C19orf53: variants seen among roughly 807,000 people sequenced by gnomAD.
C19orf53 encodes the protein chromosome 19 open reading frame 53, also known as leydig cell tumor 10 kDa protein homolog.
Under a neutral mutation model 6.5 loss-of-function variants are expected in C19orf53, and 9 were observed. The observed-to-expected ratio is 1.38, with a 90% CI of 0.83 to 2.40. The LOEUF (loss-of-function observed/expected upper bound fraction) is 2.40, where lower values mean the gene tolerates loss of function less well. Ranked by LOEUF, C19orf53 falls within the 30% of genes most tolerant of loss-of-function variation. The pLI is 0.00. For synonymous variants in C19orf53, 68 were observed against 52.5 expected (o/e 1.29, Z -1.27); for missense variants, 166 against 129.7 (o/e 1.28, Z -1.36).
chr19:13,778,344 G>T lies in C19orf53; in HGVS notation c.*146G>T. On this transcript the variant is annotated 3_prime_UTR_variant, in exon 3 of 3. Transcript: ENST00000588234. ...TAGAACTTCAGTGGGGGCCAAGGGT[G>T]CTGAGAACCCAGCAATGACCAGGAA... 2 of 1,001,282 alleles carry T rather than the reference G, an allele frequency of 2.0e-6. No homozygotes were observed. Among genetic ancestry groups the T allele is most frequent in the Non-Finnish European group, 2.8e-6 (2 of 725,256 alleles). The allele number at this position is 1,001,282 out of a possible 1,614,324, so 62.0% of individuals were successfully genotyped here.
rs10104 is a variant in C19orf53, at chr19:13,774,670, A to G, written c.116A>G (p.Lys39Arg). 446,765 of 1,609,266 alleles carry G rather than the reference A, an allele frequency of 0.28. 65,685 individuals are homozygous for G. The highest frequency in any genetic ancestry group is 0.45 in the South Asian group (40,781 of 90,986). The change falls in exon 2 of 3, where the codon AAG (lysine) becomes AGG (arginine). Residue 39 changes from lysine (K) to arginine (R), a missense_variant. Transcript: ENST00000588234. ...TCCCCAGGTCGTGTTATCGCTCCCAAGAAGGCGCGCGTCGTGCAGCAGCAA... is the reference window on the plus strand; with the variant it reads ...TCCCCAGGTCGTGTTATCGCTCCCAGGAAGGCGCGCGTCGTGCAGCAGCAA... ...PRKGGRVIAPKKARVVQQQKL... is the reference protein window; with the variant it reads ...PRKGGRVIAPRKARVVQQQKL...
rs771454499 is a variant in C19orf53, at chr19:13,774,627, C to G, written c.98-25C>G. Reference sequence around the variant, plus strand: ...CGAGGTGGACCCCCGGCTTCCCGGCCTCACGTGAGCACATCTTTCCCCAGG... The same window carrying G: ...CGAGGTGGACCCCCGGCTTCCCGGCGTCACGTGAGCACATCTTTCCCCAGG... On this transcript the variant is annotated intron_variant, in intron 1 of 2. Coordinates refer to ENST00000588234, the MANE Select transcript of C19orf53 (RefSeq NM_014047.3). The G allele has an allele frequency of 3.1e-6, 5 of 1,613,046 alleles. No homozygotes were observed. The African/African-American group carries it at 6.7e-5, about 22-fold the overall frequency.
At position 13,778,257 on chromosome 19, in the gene C19orf53, A is replaced by C; in HGVS notation, c.*59A>C. On this transcript the variant is annotated 3_prime_UTR_variant, in exon 3 of 3. Coordinates refer to ENST00000588234, the MANE Select transcript of C19orf53 (RefSeq NM_014047.3). The stretch of plus-strand genomic sequence containing the variant: ...CCCCTACCTCCATATGGGACCTTGC[A>C]AGTCATCCCACAGGCTGCACTGTCA... 8 of 1,491,894 alleles carry C rather than the reference A, an allele frequency of 5.4e-6. No individual in the cohort carries two copies. Among genetic ancestry groups the C allele is most frequent in the Non-Finnish European group, 7.2e-6 (8 of 1,117,052 alleles). 92.4% of individuals were successfully genotyped at this position (1,491,894 alleles called of 1,614,324 possible).
Position 13,775,841 on chromosome 19 carries a change from AAT to A in C19orf53, c.153+1135_153+1136del, listed in dbSNP as rs1362579381. Among the ~76,000 whole-genome samples the A allele has an allele frequency of 4.6e-5, 7 of 152,056 alleles. 1 individual carries two copies. The highest frequency in any genetic ancestry group is 4.6e-4 in the Admixed American group (7 of 15,248). On this transcript the variant is annotated intron_variant, in intron 2 of 2. Transcript: ENST00000588234. ...CTTGCACTCAGCATGTCCAAAACCA[AAT>A]TCCTGATCCTCCCTTCCCATTCTGC...
In C19orf53 at chr19:13,778,033, C is replaced by T. The variant is rs1458305706; in HGVS notation, c.154-19C>T. ...TCAGCCCCAGGTCACAATCTGACTG[C>T]CCCGTGCTTCTCCCTCAGAACCTAG... On this transcript the variant is annotated intron_variant, in intron 2 of 2. Transcript: ENST00000588234. The T allele has an allele frequency of 6.3e-7, 1 of 1,599,514 alleles. No homozygotes were observed. The highest frequency in any genetic ancestry group is 8.5e-7 in the Non-Finnish European group (1 of 1,171,810).
At chr19:13,777,159 C>T (rs1206851522) in intron 2 of C19orf53, among the ~76,000 whole-genome samples, 1 of 152,002 alleles carries the variant, frequency 6.6e-6, no homozygotes. Context: ...ACCATGTTGG[C>T]CAGCCTGGTC....
chr19:13,778,232 C>T lies in C19orf53; in HGVS notation c.*34C>T. ...GCCCCAGTGCAGGCCAACATCCCAC[C>T]CCCTACCTCCATATGGGACCTTGCA... is the stretch of plus-strand genomic sequence containing the variant. On this transcript the variant is annotated 3_prime_UTR_variant, in exon 3 of 3. Transcript: ENST00000588234. 7 of 1,540,926 alleles carry T rather than the reference C, an allele frequency of 4.5e-6. No homozygotes were observed. The highest frequency in any genetic ancestry group is 2.5e-5 in the South Asian group (2 of 80,642).
At chr19:13,777,374 C>T (rs1365769399) in intron 2 of C19orf53, among the ~76,000 whole-genome samples, 4 of 152,010 alleles carry the variant, frequency 2.6e-5, no homozygotes, top group African/African-American at 7.2e-5. Context: ...ACGAGAGGCA[C>T]GCACCAGCAC....
chr19:13,777,276 C>T (rs1200709823), intron 2 of C19orf53, among the ~76,000 whole-genome samples: 4 of 151,504 alleles, frequency 2.6e-5, no homozygotes, highest in Non-Finnish European at 4.4e-5. Context: ...GAGACGGTCT[C>T]ACGCTGTCCC....
At chr19:13,775,942 G>T (rs951880072) in intron 2 of C19orf53, among the ~76,000 whole-genome samples, 1 of 151,492 alleles carries the variant, frequency 6.6e-6, no homozygotes, top group African/African-American at 2.4e-5. Flanking sequence ...CTCACATCCC[G>T]GTCTCATCCC....
intron 2 of C19orf53, among the ~76,000 whole-genome samples, chr19:13,775,168 G>C (rs1974355598): frequency 6.6e-6 from 1 of 152,138 alleles, no homozygotes; most frequent in Non-Finnish European, 1.5e-5. Context: ...TGCTGTTACT[G>C]TTTTCTTTAA....
At chr19:13,775,898 G>C (rs962079059) in intron 2 of C19orf53, among the ~76,000 whole-genome samples, 50 of 151,962 alleles carry the variant, frequency 3.3e-4, no homozygotes, top group Admixed American at 9.2e-4. Context: ...CTTCCTTCCA[G>C]ATGCCATAGG....
chr19:13,774,616 G>A (rs768522347), intron 1 of C19orf53, 36 bp from the exon 2 acceptor site: 7 of 1,612,942 alleles, frequency 4.3e-6, no homozygotes, highest in African/African-American at 4.0e-5. Context: ...GTGGACCCCC[G>A]GCTTCCCGGC....
intron 2 of C19orf53, chr19:13,775,732 T>C (rs546877887): frequency 2.6e-5 from 4 of 152,314 alleles, no homozygotes; most frequent in South Asian, 4.1e-4. Context: ...GCAAATTGTT[T>C]CGTCACCCCA....
At chr19:13,776,124 A>ATTTT (rs57201742) in intron 2 of C19orf53, among the ~76,000 whole-genome samples, 4 of 84,914 alleles carry the variant, frequency 4.7e-5, no homozygotes, top group Non-Finnish European at 6.7e-5. Context: ...CACCGGGCTA[A>ATTTT]TTTTTTTTTT....
intron 2 of C19orf53, 59 bp downstream of exon 2, chr19:13,774,766 G>A (rs116237112): frequency 7.7e-6 from 12 of 1,549,982 alleles, no homozygotes; most frequent in Non-Finnish European, 1.1e-5. Flanking sequence ...GTGGAACCCG[G>A]AGGACGGCGA....
At chr19:13,777,005 G>T (rs527700641) in intron 2 of C19orf53, among the ~76,000 whole-genome samples, 2 of 151,992 alleles carry the variant, frequency 1.3e-5, no homozygotes, top group African/African-American at 4.8e-5. Context: ...AGGCTGGAGT[G>T]CAGTGGTGCG....
intron 2 of C19orf53, 48 bp from the exon 3 acceptor site, chr19:13,778,002 CCT>C (rs1568316208): frequency 1.9e-6 from 3 of 1,564,422 alleles, no homozygotes; most frequent in Non-Finnish European, 2.6e-6. Context: ...CTGGTCAGGC[CCT>C]CTCTCAGCCC....
chr19:13,774,665 T>G lies in C19orf53; in HGVS notation c.111T>G (p.Ala37=). 6.2e-7 allele frequency: 1 copy of G among 1,610,100 alleles called. No homozygotes were observed. Among genetic ancestry groups the G allele is most frequent in the Non-Finnish European group, 8.5e-7 (1 of 1,176,674 alleles). Residue 37 remains alanine, a synonymous_variant, in exon 2 of 3, where the codon GCT becomes GCG. Coordinates refer to ENST00000588234, the MANE Select transcript of C19orf53 (RefSeq NM_014047.3). ...ATCTTTCCCCAGGTCGTGTTATCGC[T>G]CCCAAGAAGGCGCGCGTCGTGCAGC... is the stretch of plus-strand genomic sequence containing the variant. ...RGPRKGGRVI[A]PKKARVVQQQ... is the part of the protein sequence containing the mutation.
Sources: allele counts gnomAD v4.1 joint callset (sites outside exome capture counted in the v4.1 genomes callset), GRCh38; gene constraint gnomAD v4.1.1; transcripts MANE v1.5; gene names NCBI Gene and HGNC (gene_info 2026-07-23, HGNC 2026-07-21).